CHAF1A: variants seen among roughly 807,000 people sequenced by gnomAD.
CHAF1A encodes chromatin assembly factor 1 subunit A, also known as CAF-1 subunit A.
A neutral mutation model predicts 93.2 loss-of-function variants in CHAF1A; 5 were observed. The observed-to-expected ratio is 0.05, with a 90% CI of 0.03 to 0.11. CHAF1A has a LOEUF of 0.11. CHAF1A is among the 10% of genes least tolerant of loss of function. CHAF1A has a pLI of 1.00. For missense variants in CHAF1A, 1,102 were observed against 1,259.9 expected (o/e 0.87, Z 1.90); for synonymous variants, 504 against 510.3 (o/e 0.99, Z 0.17).
At chr19:4,415,744 C>T (rs376967622) in intron 3 of CHAF1A, among the ~76,000 whole-genome samples, 6 of 152,032 alleles carry the variant, frequency 3.9e-5, no homozygotes, top group Non-Finnish European at 7.4e-5. Flanking sequence ...CACAACGGCT[C>T]GGCCTTTCCC....
chr19:4,430,074 A>C (rs78744466), intron 10 of CHAF1A: 12,451 of 430,654 alleles, frequency 0.029, 266 homozygotes, highest in Non-Finnish European at 0.04. Flanking sequence ...GGCCTGCTGC[A>C]CACCATTTCC....
intron 2 of CHAF1A, among the ~76,000 whole-genome samples, chr19:4,406,331 C>G (rs1165312887): frequency 1.3e-5 from 2 of 152,230 alleles, no homozygotes; most frequent in Non-Finnish European, 2.9e-5. Context: ...GAACTGCCCC[C>G]TCAGAGAACC....
rs1170414525 is a variant in CHAF1A, at chr19:4,422,272, CCAAAGTGCTGGGA to C, written c.1018-293_1018-281del. 4.6e-5 allele frequency among the ~76,000 whole-genome samples: 7 copies of C among 152,244 alleles called. No homozygotes were observed. The highest frequency in any genetic ancestry group is 1.0e-4 in the Non-Finnish European group (7 of 68,008). On this transcript the variant is annotated intron_variant, in intron 4 of 14. Transcript: ENST00000301280. This position sits in a 1 kb window ranked among gnomAD's most constrained non-coding sequence, Gnocchi z 4.6. ...CAGGTGATCCACTTGCCTCGGCCTCCCAAAGTGCTGGGATTACAGGCGTGAACCACCGCGCGCA... is the reference window on the plus strand; with the variant it reads ...CAGGTGATCCACTTGCCTCGGCCTCCTTACAGGCGTGAACCACCGCGCGCA...
Position 4,443,051 on chromosome 19 carries a change from C to G in CHAF1A, c.*26C>G, listed in dbSNP as rs746272631. On this transcript the variant is annotated 3_prime_UTR_variant, in exon 15 of 15. Transcript: ENST00000301280. Reference sequence around the variant, plus strand: ...GAGCAGGGGTGACGTATGTAGAATGCTTAGGGTGTCCTCCCCACAGAGCAG... The same window carrying G: ...GAGCAGGGGTGACGTATGTAGAATGGTTAGGGTGTCCTCCCCACAGAGCAG... The G allele has an allele frequency of 1.9e-5, 26 of 1,379,938 alleles. No individual in the cohort carries two copies. The Admixed American group carries it at 5.1e-4, about 27-fold the overall frequency. 85.5% of individuals were successfully genotyped at this position (1,379,938 alleles called of 1,614,324 possible).
chr19:4,412,153 T>C (rs1973816900), intron 3 of CHAF1A, among the ~76,000 whole-genome samples: 2 of 152,200 alleles, frequency 1.3e-5, no homozygotes, highest in Non-Finnish European at 2.9e-5. Flanking sequence ...TCTCTCCCCA[T>C]TGGGCATCCT....
chr19:4,402,682 C>A lies in CHAF1A; in HGVS notation c.-81C>A, dbSNP rs965967262. ...GCCGCGGCGGCAGCAGCGGCGCGGG[C>A]GGGAGGGCGAAGAGCAGCGGCCGCC... is the stretch of plus-strand genomic sequence containing the variant. On this transcript the variant is annotated 5_prime_UTR_variant, in exon 1 of 15. Coordinates refer to ENST00000301280, the MANE Select transcript of CHAF1A (RefSeq NM_005483.3). The A allele has an allele frequency of 3.2e-6, 3 of 937,994 alleles. No homozygotes were observed. Among genetic ancestry groups the A allele is most frequent in the Admixed American group, 4.6e-5 (1 of 21,558 alleles). 58.1% of individuals were successfully genotyped at this position (937,994 alleles called of 1,614,324 possible).
At chr19:4,450,485 A>C in the CHAF1A span, 1 of 151,974 alleles carries the variant, frequency 6.6e-6, no homozygotes, top group Non-Finnish European at 1.5e-5. Flanking sequence ...GCTGCCGGGC[A>C]CGGTGGCTCC....
chr19:4,448,614 G>A, downstream of CHAF1A: 1 of 595,592 alleles, frequency 1.7e-6, no homozygotes, highest in Non-Finnish European at 3.0e-6. Flanking sequence ...AGGCGACGCA[G>A]CCAAGACCCA....
chr19:4,408,771 G>T (rs901527624), intron 2 of CHAF1A, 132 bp from the exon 3 acceptor site: 5 of 1,172,050 alleles, frequency 4.3e-6, no homozygotes, highest in Non-Finnish European at 6.0e-6. Context: ...ACCACACCCG[G>T]CCCAGATAGT....
chr19:4,442,808 G>C (rs1488854430), intron 14 of CHAF1A, 117 bp from the exon 15 acceptor site: 3 of 701,068 alleles, frequency 4.3e-6, no homozygotes, highest in African/African-American at 1.8e-5. Context: ...CCCACTGTCA[G>C]GTGGAGGGTC....
At chr19:4,436,470 A>C (rs1028318708) in intron 13 of CHAF1A, among the ~76,000 whole-genome samples, 2 of 152,140 alleles carry the variant, frequency 1.3e-5, no homozygotes, top group Admixed American at 1.3e-4. Context: ...CCCCACACAG[A>C]GCTTTGCTGG....
intron 4 of CHAF1A, among the ~76,000 whole-genome samples, chr19:4,418,318 A>G (rs998175032): frequency 2.0e-5 from 3 of 151,940 alleles, no homozygotes; most frequent in East Asian, 1.9e-4. Flanking sequence ...GCTTTTATCA[A>G]TAGTGCTACC....
Position 4,423,791 on chromosome 19 carries a change from C to T in CHAF1A, c.1309-15C>T. 7 of 1,613,506 alleles carry T rather than the reference C, an allele frequency of 4.3e-6. No homozygotes were observed. Among genetic ancestry groups the T allele is most frequent in the Non-Finnish European group, 5.9e-6 (7 of 1,179,392 alleles). The stretch of plus-strand genomic sequence containing the variant: ...TTCCTCTCCTCTTTCTCATCACCAT[C>T]TCTTAACATCACAGCGCATTAAAGC... On this transcript the variant is annotated splice_polypyrimidine_tract_variant and intron_variant, in intron 6 of 14. Transcript: ENST00000301280.
chr19:4,440,320 A>G (rs909743272), intron 13 of CHAF1A, among the ~76,000 whole-genome samples: 1 of 151,780 alleles, frequency 6.6e-6, no homozygotes, highest in Non-Finnish European at 1.5e-5. Context: ...CAGGAATCTT[A>G]CTAGGGTCAG....
At chr19:4,441,325 A>G (rs1227664275) in intron 13 of CHAF1A, among the ~76,000 whole-genome samples, 2 of 151,858 alleles carry the variant, frequency 1.3e-5, no homozygotes, top group East Asian at 3.9e-4. Context: ...CAAGATTTAT[A>G]TATATTAAAT....
chr19:4,437,897 G>A (rs544074195), intron 13 of CHAF1A, among the ~76,000 whole-genome samples: 23 of 152,082 alleles, frequency 1.5e-4, no homozygotes, highest in African/African-American at 4.3e-4. Flanking sequence ...CCACCACCAC[G>A]CCCAGCTAAT....
chr19:4,444,053 C>T (rs534886225), downstream of CHAF1A, among the ~76,000 whole-genome samples: 8 of 152,320 alleles, frequency 5.3e-5, 1 homozygote, highest in African/African-American at 1.9e-4. Context: ...TCAGCTGTGC[C>T]TGAAGCAGAG....
chr19:4,448,272 G>A, downstream of CHAF1A: 11 of 1,519,522 alleles, frequency 7.2e-6, no homozygotes, highest in Non-Finnish European at 9.8e-6. Flanking sequence ...AGGGGTGCTG[G>A]GATGAGCTGG....
At position 4,432,060 on chromosome 19, in the gene CHAF1A, A is replaced by G. The variant is rs1229746627; in HGVS notation, c.2056A>G (p.Ile686Val). 4 of 1,614,124 alleles carry G rather than the reference A, an allele frequency of 2.5e-6. No individual in the cohort carries two copies. The highest frequency in any genetic ancestry group is 2.5e-6 in the Non-Finnish European group (3 of 1,180,012). The change falls in exon 12 of 15, where the codon ATC becomes GTC. Residue 686 changes from isoleucine (I) to valine (V), a missense_variant. Around this residue, in one of 6 missense-constraint regions of CHAF1A, gnomAD observed 335 missense variants for 361.9 expected, o/e 0.93. Transcript: ENST00000301280. The part of the protein sequence containing the change: ...KRFRVLQPVK[I>V]GCVWAADRDC... The stretch of plus-strand genomic sequence containing the variant: ...CTTTCGCGTCCTGCAACCTGTGAAG[A>G]TCGGCTGCGTGTGGGCGGCTGACAG...
Sources: gnomAD v4.1 joint callset for allele counts (sites outside exome capture counted in the v4.1 genomes callset) on GRCh38, gnomAD v4.1.1 for gene constraint, gnomAD v4.1.1 regional missense constraint, Gnocchi (gnomAD v3.1) non-coding constraint, MANE v1.5 for transcripts, NCBI Gene and HGNC (gene_info 2026-07-23, HGNC 2026-07-21) for gene names.